The following PCDH15 variants were observed in gnomAD, a reference collection of about 807,000 sequenced individuals.
PCDH15 encodes protocadherin-15.
In PCDH15, 129 loss-of-function variants were observed where a neutral mutation model predicts 178.5. The observed-to-expected ratio is 0.72, with a 90% CI of 0.63 to 0.84. PCDH15 has a LOEUF of 0.84. Ranked by LOEUF, PCDH15 falls within the 40% of genes least tolerant of loss-of-function variation. The pLI is 0.00. For missense variants in PCDH15, 2,230 were observed against 2,099.9 expected (o/e 1.06, Z -1.21); for synonymous variants, 800 against 732.0 (o/e 1.09, Z -1.50).
At chr10:55,361,100 A>T (rs1288328364) in intron 2 of PCDH15, among the ~76,000 whole-genome samples, 1 of 152,010 alleles carries the variant, frequency 6.6e-6, no homozygotes. Flanking sequence ...CTCACAAAAG[A>T]GTATATATTG....
chr10:54,129,289 C>T (rs75554505), intron 15 of PCDH15, among the ~76,000 whole-genome samples: 1 of 152,032 alleles, frequency 6.6e-6, no homozygotes, highest in African/African-American at 2.4e-5. Flanking sequence ...AATAAACGAT[C>T]AATACATATT....
chr10:54,431,457 A>G (rs1956961669), intron 3 of PCDH15, among the ~76,000 whole-genome samples: 1 of 152,218 alleles, frequency 6.6e-6, no homozygotes, highest in Non-Finnish European at 1.5e-5. Flanking sequence ...CAACATATGC[A>G]CATCAATCAG....
At chr10:55,367,204 A>G (rs1167124086) in intron 2 of PCDH15, among the ~76,000 whole-genome samples, 1 of 152,074 alleles carries the variant, frequency 6.6e-6, no homozygotes, top group Non-Finnish European at 1.5e-5. Flanking sequence ...AATAGTTTCC[A>G]CTGTTAAAAT....
chr10:54,677,089 C>T (rs766970166), intron 1 of PCDH15, among the ~76,000 whole-genome samples: 51 of 152,046 alleles, frequency 3.4e-4, no homozygotes, highest in East Asian at 5.8e-4. Context: ...AAGTATATTC[C>T]GGCACAACAT....
chr10:54,735,934 T>A (rs1478205997), intron 1 of PCDH15, among the ~76,000 whole-genome samples: 1 of 142,738 alleles, frequency 7.0e-6, no homozygotes, highest in Non-Finnish European at 1.5e-5. Flanking sequence ...AGTTAGTGGG[T>A]GCAGCGCACC....
chr10:54,642,449 T>TA (rs1415716643), intron 2 of PCDH15, among the ~76,000 whole-genome samples: 1 of 152,204 alleles, frequency 6.6e-6, no homozygotes, highest in Non-Finnish European at 1.5e-5. Flanking sequence ...TGGAGGCTTA[T>TA]ATATTATTCC....
intron 1 of PCDH15, among the ~76,000 whole-genome samples, chr10:54,718,211 G>T (rs372074087): frequency 0.088 from 12,345 of 140,862 alleles, 813 homozygotes; most frequent in African/African-American, 0.12. Context: ...TGTATACATA[G>T]GTAACTAACC....
rs537700803 is a variant in PCDH15 at position 55,375,208 on chromosome 10, C to T, written c.-155-208557G>A. 1.8e-3 allele frequency among the ~76,000 whole-genome samples: 281 copies of T among 152,206 alleles called. 1 individual carries two copies. Among genetic ancestry groups the T allele is most frequent in the African/African-American group, 4.8e-3 (200 of 41,564 alleles). On this transcript the variant is annotated intron_variant, in intron 2 of 5. Coordinates refer to the PCDH15 transcript ENST00000613346. ...TTTGATTTTTTCTCTGCCAAAAAAG[C>T]ATTCAATATGTGGCTGCTTTCCGGT... is the stretch of plus-strand genomic sequence containing the variant.
chr10:55,481,699 CTGTT>C (rs1354835359), intron 2 of PCDH15, among the ~76,000 whole-genome samples: 3 of 151,622 alleles, frequency 2.0e-5, no homozygotes, highest in African/African-American at 2.4e-5. Flanking sequence ...GTCTGAGAGA[CTGTT>C]TGTTATTATT....
intron 25 of PCDH15, among the ~76,000 whole-genome samples, chr10:53,916,160 A>C (rs932420116): frequency 2.6e-5 from 4 of 152,180 alleles, no homozygotes; most frequent in African/African-American, 9.6e-5. Flanking sequence ...AATTCTGTGC[A>C]TGTTCATTGT....
chr10:54,379,733 C>T (rs114457100), intron 3 of PCDH15, among the ~76,000 whole-genome samples: 2,951 of 152,096 alleles, frequency 0.019, 100 homozygotes, highest in African/African-American at 0.067. Flanking sequence ...TTTTCCCTCA[C>T]GCAGCAATGA....
At chr10:54,344,623 T>C (rs12265474) in intron 6 of PCDH15, among the ~76,000 whole-genome samples, 1,866 of 152,166 alleles carry the variant, frequency 0.012, 36 homozygotes, top group African/African-American at 0.038. Flanking sequence ...TTCATAAAAT[T>C]TGAGCTAGAA....
At chr10:55,091,588 T>C (rs933908258) in intron 2 of PCDH15, among the ~76,000 whole-genome samples, 1 of 151,924 alleles carries the variant, frequency 6.6e-6, no homozygotes, top group Non-Finnish European at 1.5e-5. Context: ...TAATGACACA[T>C]ATAAGTGTTG....
chr10:54,418,599 C>T (rs978440175), intron 3 of PCDH15, among the ~76,000 whole-genome samples: 1 of 151,770 alleles, frequency 6.6e-6, no homozygotes, highest in Non-Finnish European at 1.5e-5. Flanking sequence ...TGTACAATCA[C>T]CCATAACTTT....
chr10:54,733,165 C>T (rs1369144009), intron 1 of PCDH15, among the ~76,000 whole-genome samples: 1 of 151,428 alleles, frequency 6.6e-6, no homozygotes, highest in East Asian at 1.9e-4. Flanking sequence ...TAATAAAATC[C>T]TCCAGATTGG....
At chr10:54,931,316 G>T (rs1670814) in intron 2 of PCDH15, among the ~76,000 whole-genome samples, 20,426 of 151,980 alleles carry the variant, frequency 0.13, 1,537 homozygotes, top group East Asian at 0.23. Flanking sequence ...TTTCAGTAAC[G>T]TTTGAAACAT....
At chr10:54,538,710 A>G (rs12781429) in intron 2 of PCDH15, among the ~76,000 whole-genome samples, 1 of 152,072 alleles carries the variant, frequency 6.6e-6, no homozygotes, top group Non-Finnish European at 1.5e-5. Flanking sequence ...TTCACACAAG[A>G]TCTGGTTGTT....
At chr10:54,105,546 A>C (rs1278317165) in intron 15 of PCDH15, among the ~76,000 whole-genome samples, 3 of 152,036 alleles carry the variant, frequency 2.0e-5, no homozygotes, top group Non-Finnish European at 4.4e-5. Context: ...TGTAGGCTGT[A>C]AGGCTAAGCC....
chr10:54,383,047 C>T (rs1217357752), intron 3 of PCDH15, among the ~76,000 whole-genome samples: 1 of 151,942 alleles, frequency 6.6e-6, no homozygotes, highest in African/African-American at 2.4e-5. Context: ...AGTGGAGGCA[C>T]GCAACTACCC....
Sources: allele counts gnomAD v4.1 joint callset (sites outside exome capture counted in the v4.1 genomes callset), GRCh38; gene constraint gnomAD v4.1.1; transcripts MANE v1.5; gene names NCBI Gene and HGNC (gene_info 2026-07-23, HGNC 2026-07-21).